Variants in PCDHGA8 observed in about 807,000 individuals in gnomAD.
PCDHGA8 encodes the protein protocadherin gamma-A8.
In PCDHGA8, 45 loss-of-function variants were observed where a neutral mutation model predicts 59.2. The ratio of observed to expected loss-of-function variants is 0.76; its 90% CI spans 0.60 to 0.98. The LOEUF (loss-of-function observed/expected upper bound fraction) is 0.98. PCDHGA8 is among the 50% of genes least tolerant of loss of function. The pLI is 0.00. For missense variants in PCDHGA8, 1,257 were observed against 1,196.2 expected (o/e 1.05, Z -0.75); for synonymous variants, 531 against 519.0 (o/e 1.02, Z -0.32).
rs753936459 is a variant in PCDHGA8 at position 141,501,288 on chromosome 5, TATAC to T, written c.2484-4103_2484-4100del. Among the ~76,000 whole-genome samples the T allele has an allele frequency of 4.5e-4, 37 of 81,322 alleles. No homozygotes were observed. The South Asian group carries it at 5.1e-3, about 11-fold the overall frequency. 53.4% of individuals were successfully genotyped at this position (81,322 alleles called of 152,430 possible). A position where few individuals can be genotyped will look rare whatever the true frequency, so the allele number is the denominator to read the frequency against. ...TAGTCCAGTCTATGGGATATTCCCT[TATAC>T]ACACACACACACACACACACACACA... On this transcript the variant is annotated intron_variant, in intron 2 of 3. Coordinates refer to ENST00000398604, the MANE Select transcript of PCDHGA8 (RefSeq NM_032088.2).
At chr5:141,464,131 G>C (rs982496493) in intron 1 of PCDHGA8, among the ~76,000 whole-genome samples, 19 of 152,056 alleles carry the variant, frequency 1.2e-4, no homozygotes, top group Admixed American at 2.0e-4. Flanking sequence ...TGGGTGTGGT[G>C]GTGGGCGCCT....
rs200512171 is a variant in PCDHGA8, at chr5:141,418,143, T to C, written c.2424+22906T>C. ...AAGGACCGAATAGACCGTGAGCAAA[T>C]ATGCAAAGAGAGAAGAAGATGTGAG... On this transcript the variant is annotated intron_variant, in intron 1 of 3. Transcript: ENST00000398604. 2.6e-4 allele frequency: 419 copies of C among 1,613,982 alleles called. 1 individual carries two copies. In the African/African-American group the frequency reaches 5.2e-3, roughly 20 times the overall value.
chr5:141,420,934 C>A (rs2096533899), intron 1 of PCDHGA8: 2 of 377,936 alleles, frequency 5.3e-6, no homozygotes, highest in South Asian at 5.3e-5. Flanking sequence ...TGAGCGTAAT[C>A]ATTTCTTCTG....
In PCDHGA8 at chr5:141,502,866, C is replaced by CT. The variant is rs549047197; in HGVS notation, c.2484-2513dup. ...GAGCTGCCTAACCCTGACTCTCTGT[C>CT]TTTTTTTTTTTTTTGACAGGGAGTC... On this transcript the variant is annotated intron_variant, in intron 2 of 3. Transcript: ENST00000398604. Among the ~76,000 whole-genome samples, 1,216 of 127,988 alleles carry CT rather than the reference C, an allele frequency of 9.5e-3. 34 individuals are homozygous for CT. Among genetic ancestry groups the CT allele is most frequent in the Non-Finnish European group, 0.015 (955 of 62,394 alleles). The allele number at this position is 127,988 out of a possible 152,430, so 84.0% of individuals were successfully genotyped here.
intron 2 of PCDHGA8, among the ~76,000 whole-genome samples, chr5:141,503,824 C>G (rs1216231770): frequency 1.3e-5 from 2 of 152,058 alleles, no homozygotes; most frequent in South Asian, 4.1e-4. Context: ...TTGGGCAAAA[C>G]CAAAAGCAGG....
At position 141,486,092 on chromosome 5, in the gene PCDHGA8, C is replaced by T. The variant is rs2099624294; in HGVS notation, c.2425-8715C>T. The T allele has an allele frequency of 3.7e-6, 6 of 1,614,148 alleles. No homozygotes were observed. In the East Asian group the frequency reaches 1.3e-4, roughly 36 times the overall value. On this transcript the variant is annotated intron_variant, in intron 1 of 3. Coordinates refer to ENST00000398604, the MANE Select transcript of PCDHGA8 (RefSeq NM_032088.2). This position sits in a 1 kb window ranked among gnomAD's most constrained non-coding sequence, Gnocchi z 5.0. Reference sequence around the variant, plus strand: ...TACTGGAAAGCTTACTCTTTTGGGGCCCCTAGACTTTGAGAGTGAGAATTA... The same window carrying T: ...TACTGGAAAGCTTACTCTTTTGGGGTCCCTAGACTTTGAGAGTGAGAATTA...
rs763451417 is a variant in PCDHGA8, at chr5:141,408,628, T to G, written c.2424+13391T>G. On this transcript the variant is annotated intron_variant, in intron 1 of 3. Transcript: ENST00000398604. The stretch of plus-strand genomic sequence containing the variant: ...ATAAAAAGGAAATACATTTAGAAAT[T>G]TTCGAATCTGCATCCGCTGGTACAC... The G allele has an allele frequency of 3.7e-6, 6 of 1,613,920 alleles. No individual in the cohort carries two copies. In the Admixed American group the frequency reaches 1.0e-4, roughly 27 times the overall value.
intron 1 of PCDHGA8, chr5:141,440,191 A>G (rs1239698049): frequency 1.3e-5 from 2 of 152,376 alleles, no homozygotes; most frequent in African/African-American, 4.8e-5. Context: ...GTTGAAGGCC[A>G]GGCATGGTGG....
rs1008039711 is a variant in PCDHGA8 at position 141,394,856 on chromosome 5, G to C, written c.2043G>C (p.Ser681=). 4 of 1,613,674 alleles carry C rather than the reference G, an allele frequency of 2.5e-6. No individual in the cohort carries two copies. In the African/African-American group the frequency reaches 5.3e-5, roughly 22 times the overall value. The change falls in exon 1 of 4, where the codon TCG becomes TCC. Residue 681 remains serine, a synonymous_variant. Coordinates refer to ENST00000398604, the MANE Select transcript of PCDHGA8 (RefSeq NM_032088.2). ...VLTELGSLKP[S]VDPNDSSLTL... ...CCGAGTTGGGCAGTCTGAAGCCTTC[G>C]GTCGACCCGAACGATTCGAGCCTTA... is the stretch of plus-strand genomic sequence containing the variant.
intron 1 of PCDHGA8, chr5:141,429,208 G>A (rs568951026): frequency 5.4e-4 from 77 of 142,568 alleles, no homozygotes; most frequent in African/African-American, 1.9e-3. Context: ...ACACACACGT[G>A]TGAAAAGTGG....
chr5:141,489,558 G>A lies in PCDHGA8; in HGVS notation c.2425-5249G>A. On this transcript the variant is annotated intron_variant, in intron 1 of 3. Coordinates refer to ENST00000398604, the MANE Select transcript of PCDHGA8 (RefSeq NM_032088.2). The surrounding 1 kb of genome is among the most constrained non-coding windows in gnomAD (Gnocchi z 4.5). ...CCAGCACCAGCTGCCTGCTGCCAGT[G>A]CAGGTGGTGACTGAACACCCCCTGG... 1 of 1,614,130 alleles carries A rather than the reference G, an allele frequency of 6.2e-7. No individual in the cohort carries two copies. Among genetic ancestry groups the A allele is most frequent in the Non-Finnish European group, 8.5e-7 (1 of 1,180,024 alleles).
At chr5:141,437,035 C>T (rs991186972) in intron 1 of PCDHGA8, among the ~76,000 whole-genome samples, 1 of 152,120 alleles carries the variant, frequency 6.6e-6, no homozygotes, top group Non-Finnish European at 1.5e-5. Context: ...AATGGATCAC[C>T]GAAACCAGAA....
chr5:141,432,949 CG>C lies in PCDHGA8; in HGVS notation c.2424+37714del, dbSNP rs930064840. 6.2e-7 allele frequency: 1 copy of C among 1,614,066 alleles called. No individual in the cohort carries two copies. Among genetic ancestry groups the C allele is most frequent in the African/African-American group, 1.3e-5 (1 of 74,930 alleles). ...CACGCCTGCTGCAGGCTTCAGGAGG[CG>C]GCTTGACAGGAGCGCCGGCGTCGCA... On this transcript the variant is annotated intron_variant, in intron 1 of 3. Transcript: ENST00000398604. This position sits in a 1 kb window ranked among gnomAD's most constrained non-coding sequence, Gnocchi z 6.0.
rs1387036035 is a variant in PCDHGA8, at chr5:141,432,158, A to G, written c.2424+36921A>G. ...CGCTTATATCCCAGAGAACAATCCC[A>G]GAGGAGTTTCCCTCGTCTCTGTGAC... is the stretch of plus-strand genomic sequence containing the variant. On this transcript the variant is annotated intron_variant, in intron 1 of 3. Coordinates refer to ENST00000398604, the MANE Select transcript of PCDHGA8 (RefSeq NM_032088.2). The surrounding 1 kb of genome is among the most constrained non-coding windows in gnomAD (Gnocchi z 6.0). The G allele has an allele frequency of 6.2e-7, 1 of 1,613,932 alleles. No individual in the cohort carries two copies. Among genetic ancestry groups the G allele is most frequent in the Non-Finnish European group, 8.5e-7 (1 of 1,180,002 alleles).
At chr5:141,409,680 C>G (rs756713114) in intron 1 of PCDHGA8, 1 of 1,613,360 alleles carries the variant, frequency 6.2e-7, no homozygotes, top group Non-Finnish European at 8.5e-7. Context: ...TCTATAGTGG[C>G]GAGTGACCTA....
chr5:141,465,413 G>A (rs996581829), intron 1 of PCDHGA8, among the ~76,000 whole-genome samples: 1 of 152,174 alleles, frequency 6.6e-6, no homozygotes, highest in Non-Finnish European at 1.5e-5. Context: ...AGCCAAATCA[G>A]CACTGAAAGG....
Position 141,431,547 on chromosome 5 carries a change from T to C in PCDHGA8, c.2424+36310T>C. On this transcript the variant is annotated intron_variant, in intron 1 of 3. Transcript: ENST00000398604. The surrounding 1 kb of genome is among the most constrained non-coding windows in gnomAD (Gnocchi z 4.8). ...CTGGCCTTGGGCACGCAGCTGCTTG[T>C]AGTCAACGCTACCGACCCTGACGAA... The C allele has an allele frequency of 1.2e-6, 2 of 1,614,096 alleles. No homozygotes were observed. The highest frequency in any genetic ancestry group is 2.2e-5 in the East Asian group (1 of 44,882).
At chr5:141,456,404 G>A (rs935040352) in intron 1 of PCDHGA8, among the ~76,000 whole-genome samples, 4 of 152,104 alleles carry the variant, frequency 2.6e-5, no homozygotes, top group Non-Finnish European at 4.4e-5. Flanking sequence ...TTGCTTCTAG[G>A]CGAGAAGAAA....
intron 1 of PCDHGA8, chr5:141,423,628 AT>A (rs2096762361): frequency 6.2e-7 from 1 of 1,604,844 alleles, no homozygotes; most frequent in Admixed American, 1.7e-5. Flanking sequence ...CTCAGCTATC[AT>A]TTTAGGCAAA....
Sources: gnomAD v4.1 joint callset for allele counts (sites outside exome capture counted in the v4.1 genomes callset) on GRCh38, gnomAD v4.1.1 for gene constraint, Gnocchi (gnomAD v3.1) non-coding constraint, MANE v1.5 for transcripts, NCBI Gene and HGNC (gene_info 2026-07-23, HGNC 2026-07-21) for gene names.